The following CEP295 variants were observed in gnomAD, a reference collection of about 807,000 sequenced individuals.
The protein encoded by CEP295 is centrosomal protein of 295 kDa.
In CEP295, 190 loss-of-function variants were observed where a neutral mutation model predicts 291.6. The observed-to-expected ratio is 0.65, with a 90% CI of 0.58 to 0.73. The LOEUF (loss-of-function observed/expected upper bound fraction) is 0.73, where lower values mean the gene tolerates loss of function less well. Ranked by LOEUF, CEP295 falls within the 30% of genes least tolerant of loss-of-function variation. The probability of loss-of-function intolerance (pLI) is 0.00; values close to 1 mark genes in which losing one functional copy is unlikely to be tolerated. For missense variants in CEP295, 2,863 were observed against 2,949.4 expected (o/e 0.97, Z 0.68); for synonymous variants, 993 against 1,038.8 (o/e 0.96, Z 0.85).
At chr11:93,730,203 G>A in intron 29 of CEP295, 28 bp from the exon 30 acceptor site, 1 of 1,551,304 alleles carries the variant, frequency 6.4e-7, no homozygotes, top group Non-Finnish European at 8.7e-7. Flanking sequence ...GTACACAACT[G>A]AAACTCAAAT....
chr11:93,721,431 TTCAC>T lies in CEP295; in HGVS notation c.5850+22_5850+25del. Reference sequence around the variant, plus strand: ...TGATAAGGTTAGTAATGTCTTAATGTTCACTCGATTTTTAGAGCTGTTTGGCTTC... The same window carrying T: ...TGATAAGGTTAGTAATGTCTTAATGTTCGATTTTTAGAGCTGTTTGGCTTC... On this transcript the variant is annotated intron_variant, in intron 19 of 29. Transcript: ENST00000325212. 7.0e-7 allele frequency: 1 copy of T among 1,437,842 alleles called. No homozygotes were observed. 89.1% of individuals were successfully genotyped at this position (1,437,842 alleles called of 1,614,324 possible).
At chr11:93,682,610 G>A (rs577846989) in intron 7 of CEP295, among the ~76,000 whole-genome samples, 6 of 151,318 alleles carry the variant, frequency 4.0e-5, no homozygotes, top group East Asian at 1.9e-4. Context: ...AAAAAAAACC[G>A]TGCAATCTCA....
intron 18 of CEP295, among the ~76,000 whole-genome samples, chr11:93,713,875 G>T (rs1055581842): frequency 6.6e-6 from 1 of 152,022 alleles, no homozygotes; most frequent in African/African-American, 2.4e-5. Context: ...TGTCTCCTCT[G>T]TGCATTTTCA....
chr11:93,668,834 G>C lies in CEP295; in HGVS notation c.336G>C (p.Gln112His). Residue 112 changes from glutamine (Q) to histidine (H), a missense_variant, in exon 4 of 30, where the codon CAG becomes CAC. Around this residue, in one of 3 missense-constraint regions of CEP295, gnomAD observed 554 missense variants for 576.0 expected, o/e 0.96. Transcript: ENST00000325212. Reference protein sequence around the residue: ...ENEPDLDALAQRAAERKRKAD... With the variant: ...ENEPDLDALAHRAAERKRKAD... ...AACCTGATTTGGATGCTTTGGCACAGCGGGCAGCAGAAAGGAAAAGAAAAG... is the reference window on the plus strand; with the variant it reads ...AACCTGATTTGGATGCTTTGGCACACCGGGCAGCAGAAAGGAAAAGAAAAG... The C allele has an allele frequency of 6.5e-7, 1 of 1,527,486 alleles. No homozygotes were observed. Among genetic ancestry groups the C allele is most frequent in the Non-Finnish European group, 8.8e-7 (1 of 1,136,888 alleles). 94.6% of individuals were successfully genotyped at this position (1,527,486 alleles called of 1,614,324 possible).
intron 18 of CEP295, among the ~76,000 whole-genome samples, chr11:93,711,826 G>GTTT (rs200548650): frequency 2.1e-5 from 3 of 141,640 alleles, no homozygotes; most frequent in Non-Finnish European, 3.1e-5. Context: ...AAGTTTGTTT[G>GTTT]TTTTTTTTTT....
At chr11:93,700,258 A>G (rs1265212177) in intron 15 of CEP295, 72 bp downstream of exon 15, 6 of 1,272,292 alleles carry the variant, frequency 4.7e-6, no homozygotes, top group Non-Finnish European at 5.3e-6. Context: ...TACTAGGATT[A>G]CAAGTTTTCA....
chr11:93,672,206 C>T (rs756613474), intron 5 of CEP295, among the ~76,000 whole-genome samples: 4 of 152,042 alleles, frequency 2.6e-5, no homozygotes, highest in East Asian at 1.9e-4. Flanking sequence ...CTTAGCTTCC[C>T]GTGAATATAC....
At chr11:93,705,574 T>G (rs375019502) in intron 17 of CEP295, among the ~76,000 whole-genome samples, 1 of 152,226 alleles carries the variant, frequency 6.6e-6, no homozygotes, top group Admixed American at 6.5e-5. Context: ...TTTTCTCTGA[T>G]TATTTTCTTT....
chr11:93,724,338 C>G lies in CEP295; in HGVS notation c.6281C>G (p.Ser2094Cys). The G allele has an allele frequency of 6.5e-7, 1 of 1,550,054 alleles. No homozygotes were observed. Among genetic ancestry groups the G allele is most frequent in the Non-Finnish European group, 8.7e-7 (1 of 1,145,464 alleles). ...CCAGATTTTGACTTATCATCATCATCCTCTGGGATTTCTCCAGACAACAGA... is the reference window on the plus strand; with the variant it reads ...CCAGATTTTGACTTATCATCATCATGCTCTGGGATTTCTCCAGACAACAGA... ...PHPDFDLSSS[S>C]SGISPDNRDF... Residue 2094 changes from serine to cysteine, a missense_variant, in exon 22 of 30, where the codon TCC becomes TGC. Physicochemically the swap from Ser to Cys is moderately radical, Grantham distance 112. Transcript: ENST00000325212.
chr11:93,664,859 T>G (rs1164071724), intron 1 of CEP295, among the ~76,000 whole-genome samples: 2 of 152,212 alleles, frequency 1.3e-5, no homozygotes, highest in Non-Finnish European at 2.9e-5. Flanking sequence ...TGGTAGTTAT[T>G]TATTAAATTT....
chr11:93,714,247 G>A lies in CEP295; in HGVS notation c.5750-7065G>A, dbSNP rs79405075. Among the ~76,000 whole-genome samples the A allele has an allele frequency of 4.9e-3, 752 of 152,090 alleles. 10 individuals carry two copies. Among genetic ancestry groups the A allele is most frequent in the African/African-American group, 0.017 (692 of 41,530 alleles). On this transcript the variant is annotated intron_variant, in intron 18 of 29. Coordinates refer to ENST00000325212, the MANE Select transcript of CEP295 (RefSeq NM_033395.2). ...TGGTACCAGGGCATTAAAGAGTTAGGTGTTTCTTTCTTTTCTTTTTTTGAG... is the reference window on the plus strand; with the variant it reads ...TGGTACCAGGGCATTAAAGAGTTAGATGTTTCTTTCTTTTCTTTTTTTGAG...
In CEP295 at chr11:93,697,682, T is replaced by G. The variant is rs1433954163; in HGVS notation, c.2770T>G (p.Ser924Ala). The G allele has an allele frequency of 7.1e-6, 11 of 1,551,700 alleles. No individual in the cohort carries two copies. Among genetic ancestry groups the G allele is most frequent in the Non-Finnish European group, 8.7e-6 (10 of 1,147,036 alleles). Residue 924 changes from serine (S) to alanine (A), a missense_variant, in exon 15 of 30, where the codon TCA becomes GCA. Physicochemically the swap from Ser to Ala is moderately conservative, Grantham distance 99 (BLOSUM62 1). Transcript: ENST00000325212. ...AACCAAGAATAATATTGCAGTTTCC[T>G]CAGACCATCATGTGATCTCACAACT... ...SPTKNNIAVS[S>A]DHHVISQLQD...
chr11:93,687,770 T>A lies in CEP295; in HGVS notation c.1241T>A (p.Ile414Asn). ...ATGTCTGAGGATGAAAGTGAAATGA[T>A]TACGACTGTTAGTGAAATTGAGAGT... ...KSMSEDESEM[I>N]TTVSEIESKA... The change falls in exon 10 of 30, where the codon ATT (isoleucine) becomes AAT (asparagine). Residue 414 changes from isoleucine (I) to asparagine (N), a missense_variant. This residue lies in a region of CEP295 where 554 missense variants were observed against 576.0 expected (regional missense o/e 0.96). Transcript: ENST00000325212. The A allele has an allele frequency of 6.4e-7, 1 of 1,551,274 alleles. No individual in the cohort carries two copies. The highest frequency in any genetic ancestry group is 1.2e-5 in the South Asian group (1 of 84,046).
intron 18 of CEP295, among the ~76,000 whole-genome samples, chr11:93,716,138 C>T (rs1323397783): frequency 2.6e-5 from 4 of 152,092 alleles, no homozygotes; most frequent in Non-Finnish European, 4.4e-5. Context: ...AAATTTAGCC[C>T]GTAGTGACAA....
chr11:93,694,752 A>C (rs949182230), intron 12 of CEP295, among the ~76,000 whole-genome samples: 2 of 152,218 alleles, frequency 1.3e-5, no homozygotes, highest in African/African-American at 4.8e-5. Context: ...CACTACTTAG[A>C]ATAGTGCATA....
At chr11:93,663,975 C>T (rs943095747) in intron 1 of CEP295, among the ~76,000 whole-genome samples, 5 of 152,090 alleles carry the variant, frequency 3.3e-5, no homozygotes, top group Non-Finnish European at 7.4e-5. Flanking sequence ...GTGCCATCTC[C>T]GAGTCAGTAA....
At position 93,729,778 on chromosome 11, in the gene CEP295, A is replaced by G. The variant is rs564226787; in HGVS notation, c.7564A>G (p.Ile2522Val). 28 of 1,539,798 alleles carry G rather than the reference A, an allele frequency of 1.8e-5. No homozygotes were observed. Among genetic ancestry groups the G allele is most frequent in the African/African-American group, 2.8e-5 (2 of 72,312 alleles). ...CAAAACAGTTAAAGAGAAACCATCT[A>G]TAAGTATGTTGAATTTTTAAAATCT... is the stretch of plus-strand genomic sequence containing the variant. The part of the protein sequence containing the change: ...QIKTVKEKPS[I>V]SSSVSRLKGV... The change falls in exon 27 of 30, where the codon ATA becomes GTA. Residue 2522 changes from isoleucine to valine, a missense_variant. Transcript: ENST00000325212.
chr11:93,667,905 T>C (rs1329720465), intron 3 of CEP295, 98 bp downstream of exon 3: 4 of 821,644 alleles, frequency 4.9e-6, no homozygotes, highest in African/African-American at 3.5e-5. Flanking sequence ...TTTTCATGCA[T>C]TGAATTTCTT....
chr11:93,706,776 C>G lies in CEP295; in HGVS notation c.5628C>G (p.Pro1876=), dbSNP rs544937387. Residue 1876 remains proline (P), a synonymous_variant, in exon 18 of 30, where the codon CCC becomes CCG. Coordinates refer to ENST00000325212, the MANE Select transcript of CEP295 (RefSeq NM_033395.2). ...GKPGIYEDRD[P]LRVSISREQS... Reference sequence around the variant, plus strand: ...CAGGTATTTATGAAGACAGAGACCCCCTGCGAGTCTCAATAAGCCGAGAAC... The same window carrying G: ...CAGGTATTTATGAAGACAGAGACCCGCTGCGAGTCTCAATAAGCCGAGAAC... The G allele has an allele frequency of 5.0e-4, 768 of 1,548,580 alleles. 7 individuals carry two copies. The South Asian group carries it at 8.5e-3, about 17-fold the overall frequency.
Sources: gnomAD v4.1 joint callset for allele counts (sites outside exome capture counted in the v4.1 genomes callset) on GRCh38, gnomAD v4.1.1 for gene constraint, gnomAD v4.1.1 regional missense constraint, MANE v1.5 for transcripts, NCBI Gene and HGNC (gene_info 2026-07-23, HGNC 2026-07-21) for gene names.